The following MAP1LC3C variants were observed in gnomAD, a reference collection of about 807,000 sequenced individuals.
MAP1LC3C encodes the protein microtubule associated protein 1 light chain 3 gamma, also known as microtubule-associated protein 1 light chain 3 gamma.
In MAP1LC3C, 12 loss-of-function variants were observed where a neutral mutation model predicts 10.4. The ratio of observed to expected loss-of-function variants is 1.15; its 90% CI spans 0.74 to 1.86. The LOEUF is 1.86. Ranked by LOEUF, MAP1LC3C falls within the 40% of genes most tolerant of loss-of-function variation. The pLI, the probability that MAP1LC3C is intolerant of heterozygous loss-of-function variation, is 0.00. For synonymous variants in MAP1LC3C, 70 were observed against 69.0 expected (o/e 1.01, Z -0.07); for missense variants, 177 against 185.7 (o/e 0.95, Z 0.27).
upstream of MAP1LC3C, chr1:241,999,183 C>A (rs1231081479): frequency 3.1e-6 from 4 of 1,305,180 alleles, no homozygotes; most frequent in Admixed American, 6.7e-5. Context: ...CACTCCCCCT[C>A]CCTGGGCAGC....
chr1:241,998,939 C>A lies in MAP1LC3C; in HGVS notation c.58+12G>T, dbSNP rs762330701. The stretch of plus-strand genomic sequence containing the variant: ...CTTTAGATAACCCAGAAAGCTACCC[C>A]AAGAAATTTACCCAAGCTTTTCCTC... On this transcript the variant is annotated intron_variant, in intron 1 of 3. Coordinates refer to ENST00000357246, the MANE Select transcript of MAP1LC3C (RefSeq NM_001004343.3). 6.2e-6 allele frequency: 10 copies of A among 1,610,828 alleles called. No homozygotes were observed. The East Asian group carries it at 2.0e-4, about 32-fold the overall frequency.
At chr1:241,998,018 ATTCT>A (rs369172753) in intron 3 of MAP1LC3C, among the ~76,000 whole-genome samples, 23 of 89,432 alleles carry the variant, frequency 2.6e-4, no homozygotes, top group South Asian at 3.5e-4. Context: ...AAATAGAGTA[ATTCT>A]TTTTTTTTTT....
At chr1:241,996,951 A>G (rs951366980) in intron 3 of MAP1LC3C, among the ~76,000 whole-genome samples, 4 of 148,848 alleles carry the variant, frequency 2.7e-5, no homozygotes, top group African/African-American at 9.9e-5. Flanking sequence ...CTATTTCCCT[A>G]GAAGTACAAA....
chr1:241,998,554 G>C lies in MAP1LC3C; in HGVS notation c.181C>G (p.Pro61Ala). ...AACTGGGTCATGGTCAGCTCCTGCG[G>C]GACCAGGAACTTGGTTTTGTCCAGC... ...PPLDKTKFLV[P>A]QELTMTQFLS... Residue 61 changes from proline to alanine, a missense_variant, in exon 3 of 4, where the codon CCG becomes GCG. Pro to Ala is a conservative substitution (Grantham distance 27). Transcript: ENST00000357246. The C allele has an allele frequency of 6.2e-7, 1 of 1,613,810 alleles. No homozygotes were observed. Among genetic ancestry groups the C allele is most frequent in the South Asian group, 1.1e-5 (1 of 90,996 alleles).
upstream of MAP1LC3C, among the ~76,000 whole-genome samples, chr1:242,000,506 C>T (rs188773627): frequency 9.2e-5 from 14 of 152,314 alleles, no homozygotes; most frequent in Admixed American, 3.9e-4. Context: ...GGATCTCATG[C>T]GTGAGCCACT....
Position 241,996,868 on chromosome 1 carries a change from G to A in MAP1LC3C, c.222-483C>T, listed in dbSNP as rs150068449. Reference sequence around the variant, plus strand: ...GGAGGTTGCAGTGAGCCGAAATTGCGCCACTGTACTCCAGCCTGGTGACAG... The same window carrying A: ...GGAGGTTGCAGTGAGCCGAAATTGCACCACTGTACTCCAGCCTGGTGACAG... On this transcript the variant is annotated intron_variant, in intron 3 of 3. Coordinates refer to ENST00000357246, the MANE Select transcript of MAP1LC3C (RefSeq NM_001004343.3). 2.4e-3 allele frequency among the ~76,000 whole-genome samples: 283 copies of A among 115,776 alleles called. 1 individual carries two copies. Among genetic ancestry groups the A allele is most frequent in the African/African-American group, 9.1e-3 (274 of 30,188 alleles). 76.0% of individuals were successfully genotyped at this position (115,776 alleles called of 152,430 possible). A position where few individuals can be genotyped will look rare whatever the true frequency, so the allele number is the denominator to read the frequency against.
chr1:241,999,566 G>C (rs1446823023), upstream of MAP1LC3C, among the ~76,000 whole-genome samples: 1 of 152,206 alleles, frequency 6.6e-6, no homozygotes, highest in African/African-American at 2.4e-5. Context: ...TGGGTGCAGT[G>C]GCCCACGCCT....
At position 241,996,833 on chromosome 1, in the gene MAP1LC3C, A is replaced by G. The variant is rs1434159780; in HGVS notation, c.222-448T>C. Among the ~76,000 whole-genome samples the G allele has an allele frequency of 1.0e-4, 13 of 130,132 alleles. No individual in the cohort carries two copies. The Admixed American group carries it at 1.2e-3, about 12-fold the overall frequency. 85.4% of individuals were successfully genotyped at this position (130,132 alleles called of 152,430 possible). On this transcript the variant is annotated intron_variant, in intron 3 of 3. Coordinates refer to ENST00000357246, the MANE Select transcript of MAP1LC3C (RefSeq NM_001004343.3). ...CTACTCGGGAGGCTGAGGCAGGAGA[A>G]CCAGGAGGCGGAGGTTGCAGTGAGC... is the stretch of plus-strand genomic sequence containing the variant.
chr1:241,997,735 A>T (rs1326707433), intron 3 of MAP1LC3C, among the ~76,000 whole-genome samples: 1 of 152,124 alleles, frequency 6.6e-6, no homozygotes, highest in Non-Finnish European at 1.5e-5. Flanking sequence ...TAACCAAGGG[A>T]GGAGTGTGTT....
chr1:241,998,122 A>G (rs902328767), intron 3 of MAP1LC3C, among the ~76,000 whole-genome samples: 4 of 143,980 alleles, frequency 2.8e-5, no homozygotes, highest in African/African-American at 7.8e-5. Flanking sequence ...TCCCAGGTTC[A>G]AGCGATTCTC....
chr1:241,996,246 A>T lies in MAP1LC3C; in HGVS notation c.361T>A (p.Ser121Thr), dbSNP rs376488053. ...EDGFVYMTYASQETFGCLESA... is the reference protein window; with the variant it reads ...EDGFVYMTYATQETFGCLESA... ...TCCAGGCAGCCAAATGTCTCCTGGG[A>T]GGCGTAGGTCATGTACACGAAGCCA... The change falls in exon 4 of 4, where the codon TCC becomes ACC. Residue 121 changes from serine to threonine, a missense_variant. Ser to Thr is a moderately conservative substitution (Grantham distance 58, BLOSUM62 1). Coordinates refer to ENST00000357246, the MANE Select transcript of MAP1LC3C (RefSeq NM_001004343.3). 4.3e-6 allele frequency: 7 copies of T among 1,613,996 alleles called. No homozygotes were observed. In the African/African-American group the frequency reaches 9.3e-5, roughly 22 times the overall value.
At chr1:242,001,349 C>G (rs1665193180), upstream of MAP1LC3C, among the ~76,000 whole-genome samples, 1 of 152,082 alleles carries the variant, frequency 6.6e-6, no homozygotes, top group African/African-American at 2.4e-5. Flanking sequence ...TGCAGTGGCT[C>G]ACACCTGTAA....
Position 241,995,677 on chromosome 1 carries a change from G to C in MAP1LC3C, c.*486C>G, listed in dbSNP as rs144122006. 2 of 153,220 alleles carry C rather than the reference G, an allele frequency of 1.3e-5. No individual in the cohort carries two copies. The highest frequency in any genetic ancestry group is 2.9e-5 in the Non-Finnish European group (2 of 68,696). The allele number at this position is 153,220 out of a possible 1,614,324, so 9.5% of individuals were successfully genotyped here. ...CTCACGCCTGTAATCCCAGCACTTTGGGAGGCCGAGGTGGGTGGATCACCT... is the reference window on the plus strand; with the variant it reads ...CTCACGCCTGTAATCCCAGCACTTTCGGAGGCCGAGGTGGGTGGATCACCT... On this transcript the variant is annotated 3_prime_UTR_variant, in exon 4 of 4. Transcript: ENST00000357246.
rs1349915881 is a variant in MAP1LC3C at position 241,996,390 on chromosome 1, G to C, written c.222-5C>G. On this transcript the variant is annotated splice_region_variant and splice_polypyrimidine_tract_variant and intron_variant, in intron 3 of 3. Coordinates refer to ENST00000357246, the MANE Select transcript of MAP1LC3C (RefSeq NM_001004343.3). ...GCTCTCAGGACCATGCGGCTCCTGG[G>C]ATGGGCAGGAGGGTGGTGAGGGTAT... is the stretch of plus-strand genomic sequence containing the variant. The C allele has an allele frequency of 1.2e-6, 2 of 1,613,222 alleles. No homozygotes were observed. The highest frequency in any genetic ancestry group is 1.3e-5 in the African/African-American group (1 of 74,896).
Position 241,998,627 on chromosome 1 carries a change from A to G in MAP1LC3C, c.115-7T>C, listed in dbSNP as rs374043326. On this transcript the variant is annotated splice_polypyrimidine_tract_variant and splice_region_variant and intron_variant, in intron 2 of 3. Transcript: ENST00000357246. ...GGTAGCGCTCCACTACCACCTGTCAAGAGTGTCAGTCCTTAAGAATGTGAC... is the reference window on the plus strand; with the variant it reads ...GGTAGCGCTCCACTACCACCTGTCAGGAGTGTCAGTCCTTAAGAATGTGAC... The G allele has an allele frequency of 3.1e-6, 5 of 1,609,484 alleles. No individual in the cohort carries two copies. Among genetic ancestry groups the G allele is most frequent in the Non-Finnish European group, 4.2e-6 (5 of 1,177,942 alleles).
chr1:241,998,021 C>CTTTTTTTTT (rs58237405), intron 3 of MAP1LC3C, among the ~76,000 whole-genome samples: 1,777 of 95,230 alleles, frequency 0.019, 165 homozygotes, highest in Middle Eastern at 0.03. Context: ...TAGAGTAATT[C>CTTTTTTTTT]TTTTTTTTTT....
chr1:241,996,776 C>G (rs541254227), intron 3 of MAP1LC3C, among the ~76,000 whole-genome samples: 1 of 151,556 alleles, frequency 6.6e-6, no homozygotes, highest in Non-Finnish European at 1.5e-5. Flanking sequence ...CAAAAATTAG[C>G]TGGGTGTGGT....
At chr1:242,000,571 AG>A (rs1411110667), upstream of MAP1LC3C, among the ~76,000 whole-genome samples, 1 of 152,162 alleles carries the variant, frequency 6.6e-6, no homozygotes, top group Non-Finnish European at 1.5e-5. Context: ...GACATAAGTC[AG>A]GCTTCCCACA....
At chr1:241,996,466 T>C in intron 3 of MAP1LC3C, 81 bp from the exon 4 acceptor site, 1 of 1,149,326 alleles carries the variant, frequency 8.7e-7, no homozygotes, top group Non-Finnish European at 1.3e-6. Flanking sequence ...TCAAGAAGAC[T>C]GAATTGCTCC....
Sources: gnomAD v4.1 joint callset for allele counts (sites outside exome capture counted in the v4.1 genomes callset) on GRCh38, gnomAD v4.1.1 for gene constraint, MANE v1.5 for transcripts, NCBI Gene and HGNC (gene_info 2026-07-23, HGNC 2026-07-21) for gene names.